Variants in KIF13A observed in about 807,000 individuals in gnomAD.
The protein encoded by KIF13A is kinesin family member 13A, also known as kinesin-like protein KIF13A.
KIF13A carries 79 observed loss-of-function variants against 212.2 expected under a neutral mutation model. The observed-to-expected ratio is 0.37, with a 90% CI of 0.31 to 0.45. KIF13A has a LOEUF of 0.45. Ranked by LOEUF, KIF13A falls within the 20% of genes least tolerant of loss-of-function variation. The pLI is 1.00. For synonymous variants in KIF13A, 789 were observed against 808.6 expected (o/e 0.98, Z 0.41); for missense variants, 1,901 against 2,209.0 (o/e 0.86, Z 2.79).
chr6:17,975,993 G>T (rs555781908), intron 2 of KIF13A, among the ~76,000 whole-genome samples: 31 of 152,338 alleles, frequency 2.0e-4, no homozygotes, highest in African/African-American at 7.0e-4. Context: ...CAAACCCTGA[G>T]CTAGACACAG....
chr6:17,895,882 A>G lies in KIF13A; in HGVS notation c.159+2286T>C, dbSNP rs139979007. ...GTGGAAAAGGCAATGCTAATTACCT[A>G]GTTTGTCATTTCTGACAGCAGAAGT... On this transcript the variant is annotated intron_variant, in intron 3 of 38. Coordinates refer to ENST00000259711, the MANE Select transcript of KIF13A (RefSeq NM_022113.6). The surrounding 1 kb of genome is among the most constrained non-coding windows in gnomAD (Gnocchi z 4.4). 4.6e-5 allele frequency among the ~76,000 whole-genome samples: 7 copies of G among 152,312 alleles called. No individual in the cohort carries two copies. Among genetic ancestry groups the G allele is most frequent in the Non-Finnish European group, 7.4e-5 (5 of 68,026 alleles).
intron 6 of KIF13A, among the ~76,000 whole-genome samples, chr6:17,854,545 AATTT>A (rs1767966403): frequency 8.3e-6 from 1 of 119,900 alleles, no homozygotes; most frequent in African/African-American, 3.4e-5. Flanking sequence ...AAATCAGTAT[AATTT>A]TTTTTTTTTT....
chr6:17,965,334 C>A (rs1042211216), intron 2 of KIF13A, among the ~76,000 whole-genome samples: 5 of 152,040 alleles, frequency 3.3e-5, no homozygotes, highest in Non-Finnish European at 5.9e-5. Context: ...GCCATACAAA[C>A]CATCTAGAAC....
intron 2 of KIF13A, among the ~76,000 whole-genome samples, chr6:17,906,059 C>T (rs1029011944): frequency 6.6e-6 from 1 of 152,110 alleles, no homozygotes; most frequent in African/African-American, 2.4e-5. Flanking sequence ...AAACCTATCA[C>T]AAGAAGAATG....
chr6:17,866,530 C>T (rs747197048), intron 4 of KIF13A, among the ~76,000 whole-genome samples: 1 of 152,068 alleles, frequency 6.6e-6, no homozygotes, highest in Non-Finnish European at 1.5e-5. Context: ...CTTCGCTAAA[C>T]CTCAGTTTTC....
In KIF13A at chr6:17,838,720, A is replaced by C. The variant is rs1304523800; in HGVS notation, c.831-1137T>G. Among the ~76,000 whole-genome samples, 1 of 152,254 alleles carries C rather than the reference A, an allele frequency of 6.6e-6. No individual in the cohort carries two copies. The highest frequency in any genetic ancestry group is 6.5e-5 in the Admixed American group (1 of 15,292). On this transcript the variant is annotated intron_variant, in intron 9 of 38. Transcript: ENST00000259711. The surrounding 1 kb of genome is among the most constrained non-coding windows in gnomAD (Gnocchi z 4.2). ...ATGTCCTTACTCATAAGTGGAAGCT[A>C]AATAACGTGTACTCATGGACATAGA...
rs939852346 is a variant in KIF13A at position 17,984,312 on chromosome 6, T to C, written c.146+2742A>G. On this transcript the variant is annotated intron_variant, in intron 2 of 38. Transcript: ENST00000259711. The surrounding 1 kb of genome is among the most constrained non-coding windows in gnomAD (Gnocchi z 5.0). Reference sequence around the variant, plus strand: ...ATCTTTGAATCCCCTATGCTGAGCATGGTACTGAAATGATCTGAACTTCAT... The same window carrying C: ...ATCTTTGAATCCCCTATGCTGAGCACGGTACTGAAATGATCTGAACTTCAT... Among the ~76,000 whole-genome samples the C allele has an allele frequency of 6.6e-6, 1 of 152,218 alleles. No individual in the cohort carries two copies. Among genetic ancestry groups the C allele is most frequent in the Non-Finnish European group, 1.5e-5 (1 of 68,040 alleles).
intron 4 of KIF13A, among the ~76,000 whole-genome samples, chr6:17,863,018 G>C (rs939651320): frequency 3.3e-5 from 5 of 152,244 alleles, no homozygotes; most frequent in African/African-American, 1.2e-4. Context: ...GATTGTTTGA[G>C]CCTAGGAGGT....
At chr6:17,980,708 G>C (rs1488658526) in intron 2 of KIF13A, among the ~76,000 whole-genome samples, 1 of 152,090 alleles carries the variant, frequency 6.6e-6, no homozygotes, top group Admixed American at 6.6e-5. Flanking sequence ...ATTAACGCCA[G>C]GCAAAACAAA....
chr6:17,793,763 A>G (rs2150323135), intron 25 of KIF13A, among the ~76,000 whole-genome samples: 1 of 152,034 alleles, frequency 6.6e-6, no homozygotes, highest in South Asian at 2.1e-4. Context: ...AAAATAAAAG[A>G]ATCAGCTGGG....
chr6:17,987,244 G>A lies in KIF13A; in HGVS notation c.56-100C>T. On this transcript the variant is annotated intron_variant, in intron 1 of 38. Transcript: ENST00000259711. This position sits in a 1 kb window ranked among gnomAD's most constrained non-coding sequence, Gnocchi z 7.7. ...GAGCGGGGCTCCGTCCCTGGAGGCG[G>A]CCGAGCCTGGAGACGGCGCCCCGGG... 1 of 1,035,728 alleles carries A rather than the reference G, an allele frequency of 9.7e-7. No individual in the cohort carries two copies. Among genetic ancestry groups the A allele is most frequent in the Non-Finnish European group, 1.3e-6 (1 of 769,650 alleles). The allele number at this position is 1,035,728 out of a possible 1,614,324, so 64.2% of individuals were successfully genotyped here. A position where few individuals can be genotyped will look rare whatever the true frequency, so the allele number is the denominator to read the frequency against.
At chr6:17,975,429 T>C (rs1349998841) in intron 2 of KIF13A, among the ~76,000 whole-genome samples, 1 of 152,158 alleles carries the variant, frequency 6.6e-6, no homozygotes, top group African/African-American at 2.4e-5. Flanking sequence ...GGTGGGTTCG[T>C]GATCTCGCTA....
chr6:17,924,336 A>C (rs1477720786), intron 2 of KIF13A, among the ~76,000 whole-genome samples: 1 of 152,238 alleles, frequency 6.6e-6, no homozygotes, highest in Non-Finnish European at 1.5e-5. Context: ...TTTTCTGAAC[A>C]ATCTCTAGTC....
At chr6:17,760,654 T>G (rs1758542361), downstream of KIF13A, 4 of 593,356 alleles carry the variant, frequency 6.7e-6, no homozygotes, top group South Asian at 8.3e-5. Flanking sequence ...GGCTGTTGAT[T>G]CACCCAAGTG....
chr6:17,798,138 T>C (rs578239591), intron 22 of KIF13A, among the ~76,000 whole-genome samples: 28 of 152,268 alleles, frequency 1.8e-4, no homozygotes, highest in African/African-American at 5.5e-4. Context: ...TATTTGAAGA[T>C]AGACCCAGAA....
chr6:17,798,251 A>G (rs1172966622), intron 22 of KIF13A, among the ~76,000 whole-genome samples: 1 of 152,206 alleles, frequency 6.6e-6, no homozygotes, highest in South Asian at 2.1e-4. Flanking sequence ...AAAAACTCCA[A>G]GATCATAAGA....
At chr6:17,831,954 G>A (rs1446917348) in intron 12 of KIF13A, among the ~76,000 whole-genome samples, 1 of 151,928 alleles carries the variant, frequency 6.6e-6, no homozygotes, top group Non-Finnish European at 1.5e-5. Context: ...CTGGTGGGAG[G>A]AGACAGGCCA....
chr6:17,765,916 A>G (rs947493536), intron 38 of KIF13A, among the ~76,000 whole-genome samples: 5 of 152,372 alleles, frequency 3.3e-5, no homozygotes, highest in African/African-American at 1.2e-4. Context: ...ACTACATGGC[A>G]GCCATTGTCC....
chr6:17,778,836 G>A, intron 33 of KIF13A, 111 bp downstream of exon 33: 1 of 1,245,044 alleles, frequency 8.0e-7, no homozygotes. Context: ...GATGGCTCAA[G>A]TGCTCCTTCT....
Sources: gnomAD v4.1 joint callset for allele counts (sites outside exome capture counted in the v4.1 genomes callset) on GRCh38, gnomAD v4.1.1 for gene constraint, Gnocchi (gnomAD v3.1) non-coding constraint, MANE v1.5 for transcripts, NCBI Gene and HGNC (gene_info 2026-07-23, HGNC 2026-07-21) for gene names.